The following DLC1 variants were observed in gnomAD, a reference collection of about 807,000 sequenced individuals.
DLC1 encodes the protein DLC1 Rho GTPase activating protein.
A neutral mutation model predicts 140.3 loss-of-function variants in DLC1; 54 were observed. The observed-to-expected ratio is 0.38, with a 90% CI of 0.31 to 0.48. DLC1 has a LOEUF of 0.48. DLC1 is among the 20% of genes least tolerant of loss of function. The pLI, the probability that DLC1 is intolerant of heterozygous loss-of-function variation, is 0.96. For synonymous variants in DLC1, 986 were observed against 728.1 expected, an observed-to-expected ratio of 1.35 and a Z score of -5.70; for missense variants, 2,536 against 1,907.0, an observed-to-expected ratio of 1.33 and a Z score of -6.14.
chr8:13,479,527 G>C (rs893032277), intron 2 of DLC1, among the ~76,000 whole-genome samples: 2 of 152,132 alleles, frequency 1.3e-5, no homozygotes, highest in African/African-American at 4.8e-5. Flanking sequence ...AAAAGTTATG[G>C]CTTCTCAGAT....
chr8:13,462,569 A>AT lies in DLC1; in HGVS notation c.1023+36479dup, dbSNP rs111507851. Among the ~76,000 whole-genome samples, 60 of 150,498 alleles carry AT rather than the reference A, an allele frequency of 4.0e-4. 1 individual carries two copies. The South Asian group carries it at 6.1e-3, about 15-fold the overall frequency. On this transcript the variant is annotated intron_variant, in intron 2 of 17. Transcript: ENST00000276297. ...CAGGTGTCCGCCACCACGCCCAGCT[A>AT]TTTTTTTTTGTATTTTTCAGTAGAG...
chr8:13,102,742 TG>T (rs1563602420), intron 8 of DLC1, 47 bp downstream of exon 8: 1 of 1,523,582 alleles, frequency 6.6e-7, no homozygotes. Context: ...TTCACTTTTT[TG>T]TTTGCCCCTT....
intron 14 of DLC1, among the ~76,000 whole-genome samples, chr8:13,091,100 G>C (rs376422042): frequency 6.6e-6 from 1 of 152,066 alleles, no homozygotes; most frequent in African/African-American, 2.4e-5. Context: ...GAGCCACTGC[G>C]CCCGGCTGCT....
chr8:13,582,123 T>C (rs752612564), intron 1 of DLC1, among the ~76,000 whole-genome samples: 28 of 152,122 alleles, frequency 1.8e-4, no homozygotes, highest in Non-Finnish European at 3.4e-4. Flanking sequence ...TTCTATAGCC[T>C]CTGGAGGTCA....
intron 4 of DLC1, among the ~76,000 whole-genome samples, chr8:13,318,365 A>T (rs1832942788): frequency 6.6e-6 from 1 of 152,126 alleles, no homozygotes; most frequent in African/African-American, 2.4e-5. Context: ...TACCAAAGGG[A>T]TAGTGTTACT....
intron 5 of DLC1, among the ~76,000 whole-genome samples, chr8:13,179,815 A>G (rs1405268307): frequency 2.0e-5 from 3 of 152,118 alleles, no homozygotes; most frequent in Non-Finnish European, 4.4e-5. Flanking sequence ...ATATTAAACT[A>G]TATATTATAT....
chr8:13,295,921 G>T, intron 5 of DLC1, among the ~76,000 whole-genome samples: 1 of 137,604 alleles, frequency 7.3e-6, no homozygotes, highest in Non-Finnish European at 1.5e-5. Context: ...ACATCTAAGA[G>T]ATGATCAGAT....
intron 1 of DLC1, among the ~76,000 whole-genome samples, chr8:13,500,584 G>T (rs1801768971): frequency 1.3e-5 from 2 of 152,184 alleles, no homozygotes; most frequent in African/African-American, 2.4e-5. Flanking sequence ...AACACAAGTT[G>T]TTAAATAAAT....
In DLC1 at chr8:13,393,651, C is replaced by G. The variant is rs1433761107; in HGVS notation, c.1216G>C (p.Val406Leu). 6.2e-7 allele frequency: 1 copy of G among 1,614,086 alleles called. No individual in the cohort carries two copies. Among genetic ancestry groups the G allele is most frequent in the Non-Finnish European group, 8.5e-7 (1 of 1,180,020 alleles). ...GACAAATTTACTCGTGTCTGATTTA[C>G]TGAAATGGTATCTGCTCCACTTTCA... ...GSESGADTIS[V>L]NQTRVNLSSD... Residue 406 changes from valine (V) to leucine (L), a missense_variant, in exon 4 of 18, where the codon GTA becomes CTA. By Grantham distance (32) the Val-to-Leu change is conservative. Coordinates refer to ENST00000276297, the MANE Select transcript of DLC1 (RefSeq NM_182643.3).
rs114015536 is a variant in DLC1, at chr8:13,593,808, G to A, written c.-126+10729C>T. On this transcript the variant is annotated intron_variant, in intron 1 of 1. Coordinates refer to the DLC1 transcript ENST00000631382. ...ATCAGGAAATTAGGAAATCAATTTC[G>A]CACATCCTTGAGGTGGTGTGGGCAA... Among the ~76,000 whole-genome samples the A allele has an allele frequency of 7.8e-3, 1,180 of 152,144 alleles. 13 individuals are homozygous for A. Among genetic ancestry groups the A allele is most frequent in the African/African-American group, 0.027 (1,113 of 41,524 alleles).
At chr8:13,416,875 G>A (rs1838087874) in intron 2 of DLC1, among the ~76,000 whole-genome samples, 1 of 151,970 alleles carries the variant, frequency 6.6e-6, no homozygotes, top group Admixed American at 6.6e-5. Flanking sequence ...GAAAAACATA[G>A]TGAGAAAAAA....
chr8:13,214,150 C>G (rs1383228414), intron 5 of DLC1: 2 of 154,722 alleles, frequency 1.3e-5, no homozygotes, highest in Non-Finnish European at 2.9e-5. Flanking sequence ...TCTTTCTCTT[C>G]TAAGTGAAGA....
At chr8:13,357,239 C>T (rs532121043) in intron 4 of DLC1, among the ~76,000 whole-genome samples, 62 of 152,048 alleles carry the variant, frequency 4.1e-4, no homozygotes, top group Non-Finnish European at 8.5e-4. Flanking sequence ...CCACTGCACT[C>T]CAGCCTGGGC....
In DLC1 at chr8:13,370,594, T is replaced by G. The variant is rs76945421; in HGVS notation, c.1314+22959A>C. On this transcript the variant is annotated intron_variant, in intron 4 of 17. Coordinates refer to ENST00000276297, the MANE Select transcript of DLC1 (RefSeq NM_182643.3). ...CCTCCCATAAAGGGCCTAAGCATAT[T>G]AACGTGCATAACTGAAAAGTCCAGT... Among the ~76,000 whole-genome samples, 1,470 of 152,312 alleles carry G rather than the reference T, an allele frequency of 9.7e-3. 21 individuals are homozygous for G. The highest frequency in any genetic ancestry group is 0.033 in the African/African-American group (1,389 of 41,558).
chr8:13,343,095 T>C (rs1729121), intron 4 of DLC1, among the ~76,000 whole-genome samples: 82,199 of 152,034 alleles, frequency 0.54, 22,378 homozygotes, highest in Admixed American at 0.63. Flanking sequence ...ATACTGCTGA[T>C]ATTTTTGTGA....
At chr8:13,232,998 T>A (rs1829118508) in intron 5 of DLC1, among the ~76,000 whole-genome samples, 1 of 152,168 alleles carries the variant, frequency 6.6e-6, no homozygotes, top group African/African-American at 2.4e-5. Flanking sequence ...AAATGTTGCA[T>A]ATATTCACAT....
intron 1 of DLC1, among the ~76,000 whole-genome samples, chr8:13,500,993 G>A (rs927278734): frequency 6.6e-6 from 1 of 152,174 alleles, no homozygotes; most frequent in Non-Finnish European, 1.5e-5. Flanking sequence ...GACTGAGATA[G>A]TCAACAAACT....
intron 4 of DLC1, among the ~76,000 whole-genome samples, chr8:13,332,543 G>A (rs954731719): frequency 3.3e-5 from 5 of 151,500 alleles, no homozygotes; most frequent in African/African-American, 9.7e-5. Flanking sequence ...CGATTCTCCT[G>A]CCGCAGCCTC....
At chr8:13,411,265 T>A (rs1485426878) in intron 2 of DLC1, among the ~76,000 whole-genome samples, 2 of 152,138 alleles carry the variant, frequency 1.3e-5, no homozygotes, top group Non-Finnish European at 2.9e-5. Context: ...TGGAAAGATA[T>A]GGAGGAAATT....
Sources: gnomAD v4.1 joint callset for allele counts (sites outside exome capture counted in the v4.1 genomes callset) on GRCh38, gnomAD v4.1.1 for gene constraint, MANE v1.5 for transcripts, NCBI Gene and HGNC (gene_info 2026-07-23, HGNC 2026-07-21) for gene names.